The following NAA50 variants were observed in gnomAD, a reference collection of about 807,000 sequenced individuals.
NAA50 encodes the protein N-alpha-acetyltransferase 50, NatE catalytic subunit, also known as N-alpha-acetyltransferase 50.
Under a neutral mutation model 20.7 loss-of-function variants are expected in NAA50, and 7 were observed. The observed-to-expected ratio is 0.34, with a 90% CI of 0.19 to 0.63. NAA50 has a LOEUF of 0.63. Ranked by LOEUF, NAA50 falls within the 30% of genes least tolerant of loss-of-function variation. The probability of loss-of-function intolerance (pLI) is 0.75; values close to 1 mark genes in which losing one functional copy is unlikely to be tolerated. For missense variants in NAA50, 111 were observed against 199.1 expected (o/e 0.56, Z 2.66); for synonymous variants, 54 against 70.6 (o/e 0.77, Z 1.18).
chr3:113,731,146 AAATT>A (rs1448047741), intron 1 of NAA50, among the ~76,000 whole-genome samples: 1 of 152,170 alleles, frequency 6.6e-6, no homozygotes, highest in Admixed American at 6.6e-5. Context: ...CATCTTTGAT[AAATT>A]AATTAGTTCA....
chr3:113,739,608 G>A (rs1708386120), intron 1 of NAA50: 1 of 152,212 alleles, frequency 6.6e-6, no homozygotes, highest in Non-Finnish European at 1.5e-5. Context: ...GCTCAAGAAA[G>A]ATGAATACTT....
At chr3:113,722,629 T>C (rs1708149165) in intron 4 of NAA50, among the ~76,000 whole-genome samples, 1 of 152,170 alleles carries the variant, frequency 6.6e-6, no homozygotes, top group South Asian at 2.1e-4. Flanking sequence ...TAGTCTTGAA[T>C]TCTGAAGGCC....
At position 113,745,922 on chromosome 3, in the gene NAA50, G is replaced by C; in HGVS notation, c.8+20C>G. Reference sequence around the variant, plus strand: ...CCTTCTACCCCACCGGCCGGGCCCTGCCCGGCTGCCCTTCCTCACCCTTTC... The same window carrying C: ...CCTTCTACCCCACCGGCCGGGCCCTCCCCGGCTGCCCTTCCTCACCCTTTC... On this transcript the variant is annotated intron_variant, in intron 1 of 4. Transcript: ENST00000240922. The C allele has an allele frequency of 1.2e-6, 2 of 1,603,414 alleles. No homozygotes were observed. The highest frequency in any genetic ancestry group is 1.1e-5 in the South Asian group (1 of 90,470).
At chr3:113,739,229 C>T (rs761738521) in intron 1 of NAA50, among the ~76,000 whole-genome samples, 4 of 152,106 alleles carry the variant, frequency 2.6e-5, no homozygotes, top group East Asian at 1.9e-4. Flanking sequence ...TTGAACGCAT[C>T]GCAAAGAAAA....
chr3:113,721,949 G>A lies in NAA50; in HGVS notation c.333-12C>T, dbSNP rs1196050203. ...TGATCTGGACATGCCTGAGATATAA[G>A]AGAGTATCAGAAAAAAAATTAAAAT... On this transcript the variant is annotated splice_polypyrimidine_tract_variant and intron_variant, in intron 4 of 4. Coordinates refer to ENST00000240922, the MANE Select transcript of NAA50 (RefSeq NM_025146.4). 2 of 1,594,194 alleles carry A rather than the reference G, an allele frequency of 1.3e-6. No individual in the cohort carries two copies. The highest frequency in any genetic ancestry group is 1.7e-6 in the Non-Finnish European group (2 of 1,172,860).
rs1708496147 is a variant in NAA50 at position 113,746,108 on chromosome 3, A to G, written c.-159T>C. On this transcript the variant is annotated 5_prime_UTR_variant, in exon 1 of 5. Transcript: ENST00000240922. ...CGAGCAACGAAGGCCGCGAGAGTCGAGTGAGGGCTTGAGTCTGGTGGGGGC... is the reference window on the plus strand; with the variant it reads ...CGAGCAACGAAGGCCGCGAGAGTCGGGTGAGGGCTTGAGTCTGGTGGGGGC... 5.5e-6 allele frequency: 5 copies of G among 917,250 alleles called. No homozygotes were observed. The South Asian group carries it at 8.1e-5, about 15-fold the overall frequency. The allele number at this position is 917,250 out of a possible 1,614,324, so 56.8% of individuals were successfully genotyped here.
rs187781127 is a variant in NAA50 at position 113,718,802 on chromosome 3, C to T, written c.*2958G>A. 6.6e-6 allele frequency: 1 copy of T among 152,508 alleles called. No individual in the cohort carries two copies. The highest frequency in any genetic ancestry group is 2.4e-5 in the African/African-American group (1 of 41,548). 9.4% of individuals were successfully genotyped at this position (152,508 alleles called of 1,614,324 possible). A position where few individuals can be genotyped will look rare whatever the true frequency, so the allele number is the denominator to read the frequency against. On this transcript the variant is annotated 3_prime_UTR_variant, in exon 5 of 5. Transcript: ENST00000240922. Reference sequence around the variant, plus strand: ...GAATTGTAGATATTGGGCACTGTACCTAGCAAGTCACAGAAGATCTGAATT... The same window carrying T: ...GAATTGTAGATATTGGGCACTGTACTTAGCAAGTCACAGAAGATCTGAATT...
intron 1 of NAA50, chr3:113,740,848 A>G (rs1425866965): frequency 3.5e-6 from 1 of 285,146 alleles, no homozygotes; most frequent in Non-Finnish European, 7.0e-6. Context: ...TTCTGTTTCT[A>G]TGTTTACTAA....
chr3:113,724,775 C>T (rs1001315355), intron 1 of NAA50, among the ~76,000 whole-genome samples: 3 of 152,078 alleles, frequency 2.0e-5, no homozygotes, highest in African/African-American at 7.2e-5. Flanking sequence ...CCCGGCGAAT[C>T]ATGGGGGCGG....
intron 1 of NAA50, among the ~76,000 whole-genome samples, chr3:113,744,331 G>A (rs995947882): frequency 2.6e-5 from 4 of 151,984 alleles, no homozygotes; most frequent in African/African-American, 9.7e-5. Context: ...AGGCGTGGTG[G>A]TGCGCGCCTG....
chr3:113,723,335 G>T, intron 3 of NAA50, 87 bp downstream of exon 3: 2 of 1,298,720 alleles, frequency 1.5e-6, no homozygotes, highest in South Asian at 1.6e-5. Flanking sequence ...TCCTTAAAAA[G>T]ACCCAAATTA....
chr3:113,740,769 T>C (rs1186791670), intron 1 of NAA50: 10 of 169,130 alleles, frequency 5.9e-5, no homozygotes, highest in African/African-American at 2.4e-5. Context: ...TCACTTTTAA[T>C]TGAGACCCAA....
At chr3:113,734,430 T>A (rs1349038239) in intron 1 of NAA50, among the ~76,000 whole-genome samples, 1 of 152,048 alleles carries the variant, frequency 6.6e-6, no homozygotes, top group African/African-American at 2.4e-5. Context: ...AACAAACCGG[T>A]ACATGTACCC....
Position 113,745,638 on chromosome 3 carries a change from C to T in NAA50, c.8+304G>A, listed in dbSNP as rs950212385. ...CCGCTCCCGGGAAGGAGGCCCCGGG[C>T]GCTTCACAATAGCCTTTCCATGTTG... On this transcript the variant is annotated intron_variant, in intron 1 of 4. Coordinates refer to ENST00000240922, the MANE Select transcript of NAA50 (RefSeq NM_025146.4). 38 of 377,464 alleles carry T rather than the reference C, an allele frequency of 1.0e-4. No homozygotes were observed. The East Asian group carries it at 1.6e-3, about 16-fold the overall frequency. 23.4% of individuals were successfully genotyped at this position (377,464 alleles called of 1,614,324 possible).
At chr3:113,733,370 A>G (rs754262882) in intron 1 of NAA50, among the ~76,000 whole-genome samples, 6 of 152,100 alleles carry the variant, frequency 3.9e-5, no homozygotes, top group Admixed American at 1.3e-4. Flanking sequence ...AGGAACTATT[A>G]GCGTAAGAGA....
At position 113,718,817 on chromosome 3, in the gene NAA50, A is replaced by T. The variant is rs1025210753; in HGVS notation, c.*2943T>A. On this transcript the variant is annotated 3_prime_UTR_variant, in exon 5 of 5. Transcript: ENST00000240922. ...GGCACTGTACCTAGCAAGTCACAGA[A>T]GATCTGAATTAGGATGCCTTAATTA... The T allele has an allele frequency of 3.9e-5, 6 of 152,534 alleles. No individual in the cohort carries two copies. Among genetic ancestry groups the T allele is most frequent in the Non-Finnish European group, 5.9e-5 (4 of 68,038 alleles). 9.4% of individuals were successfully genotyped at this position (152,534 alleles called of 1,614,324 possible).
intron 1 of NAA50, among the ~76,000 whole-genome samples, chr3:113,741,646 T>C (rs1482152439): frequency 6.6e-6 from 1 of 152,224 alleles, no homozygotes; most frequent in Non-Finnish European, 1.5e-5. Flanking sequence ...TAAGGATCTT[T>C]GAAATTATGA....
At chr3:113,743,280 G>A (rs1390623376) in intron 1 of NAA50, among the ~76,000 whole-genome samples, 2 of 152,158 alleles carry the variant, frequency 1.3e-5, no homozygotes, top group African/African-American at 4.8e-5. Context: ...GACTGGCTTC[G>A]TGTTGGGACT....
At chr3:113,724,195 A>C (rs1029924516) in intron 1 of NAA50, 100 bp from the exon 2 acceptor site, 5 of 1,250,372 alleles carry the variant, frequency 4.0e-6, no homozygotes, top group Non-Finnish European at 5.2e-6. Context: ...TGATTGATAA[A>C]TCCAACTCTT....
Sources: gnomAD v4.1 joint callset for allele counts (sites outside exome capture counted in the v4.1 genomes callset) on GRCh38, gnomAD v4.1.1 for gene constraint, MANE v1.5 for transcripts, NCBI Gene and HGNC (gene_info 2026-07-23, HGNC 2026-07-21) for gene names.